The following GLT8D2 variants were observed in gnomAD, a reference collection of about 807,000 sequenced individuals.
GLT8D2 encodes the protein glycosyltransferase 8 domain-containing protein 2.
In GLT8D2, 45 loss-of-function variants were observed where a neutral mutation model predicts 44.5. That is an observed-to-expected ratio of 1.01 (90% CI 0.80 to 1.30). The LOEUF is 1.30. Among genes scored for constraint, GLT8D2 ranks in the 50% most tolerant of loss-of-function variants. The pLI, the probability that GLT8D2 is intolerant of heterozygous loss-of-function variation, is 0.00. For synonymous variants in GLT8D2, 156 were observed against 157.2 expected (o/e 0.99, Z 0.06); for missense variants, 400 against 430.4 (o/e 0.93, Z 0.62).
intron 1 of GLT8D2, among the ~76,000 whole-genome samples, chr12:104,061,953 G>A (rs1464342044): frequency 6.9e-6 from 1 of 145,766 alleles, no homozygotes; most frequent in African/African-American, 2.5e-5. Flanking sequence ...CCCCAGCCTG[G>A]GCAACAAGAG....
At chr12:104,042,487 A>G (rs762261289) in intron 1 of GLT8D2, among the ~76,000 whole-genome samples, 57 of 152,364 alleles carry the variant, frequency 3.7e-4, no homozygotes, top group Non-Finnish European at 6.3e-4. Flanking sequence ...AGTCAAAGAC[A>G]TTCCAGTAGA....
rs539734282 is a variant in GLT8D2 at position 104,024,999 on chromosome 12, G to A, written c.-163-3508C>T. ...GCAGGAGAATTGCCTGAACCTGGGA[G>A]GTGGAGGTTGCAGTGAGCCGAGATT... On this transcript the variant is annotated intron_variant, in intron 1 of 10. Transcript: ENST00000360814. 4.3e-3 allele frequency among the ~76,000 whole-genome samples: 652 copies of A among 150,710 alleles called. 7 individuals carry two copies. Among genetic ancestry groups the A allele is most frequent in the Middle Eastern group, 6.9e-3 (2 of 290 alleles).
At chr12:104,010,188 C>T (rs1875644737) in intron 4 of GLT8D2, among the ~76,000 whole-genome samples, 1 of 152,148 alleles carries the variant, frequency 6.6e-6, no homozygotes, top group Admixed American at 6.6e-5. Context: ...AAAGGTAAAG[C>T]CACATTTCTT....
At position 103,994,491 on chromosome 12, in the gene GLT8D2, A is replaced by G. The variant is rs1249888736; in HGVS notation, c.611T>C (p.Met204Thr). 1 of 1,611,492 alleles carries G rather than the reference A, an allele frequency of 6.2e-7. No individual in the cohort carries two copies. Among genetic ancestry groups the G allele is most frequent in the African/African-American group, 1.3e-5 (1 of 74,798 alleles). Residue 204 changes from methionine to threonine, a missense_variant, in exon 9 of 11, where the codon ATG (methionine) becomes ACG (threonine). Physicochemically the swap from Met to Thr is moderately conservative, Grantham distance 81 (BLOSUM62 -1). Transcript: ENST00000360814. ...CTTCTTCCGGTAGTCCAGATAGCCC[A>G]TATATGTGTTCTGTAAGGGAACAGG... ...NRLVGLQNTY[M>T]GYLDYRKKAI...
chr12:103,989,589 A>G lies in GLT8D2; in HGVS notation c.881-12T>C. The G allele has an allele frequency of 6.3e-7, 1 of 1,591,074 alleles. No homozygotes were observed. On this transcript the variant is annotated splice_polypyrimidine_tract_variant and intron_variant, in intron 10 of 10. Transcript: ENST00000360814. ...ATCTGGATTCCAGCCTTCATTGTGT[A>G]TAGAGAAAAAATAATAGGCTTGTTA...
intron 10 of GLT8D2, among the ~76,000 whole-genome samples, chr12:103,991,849 T>A (rs1202215737): frequency 4.3e-5 from 6 of 140,754 alleles, no homozygotes; most frequent in Non-Finnish European, 7.8e-5. Context: ...AAAAAAAGAT[T>A]ATGGGACATA....
At chr12:104,053,957 A>T (rs911065378), upstream of GLT8D2, among the ~76,000 whole-genome samples, 2 of 152,164 alleles carry the variant, frequency 1.3e-5, no homozygotes, top group African/African-American at 4.8e-5. Flanking sequence ...TATATAATTG[A>T]ATATTTAATT....
intron 1 of GLT8D2, among the ~76,000 whole-genome samples, chr12:104,049,194 C>T (rs1881474746): frequency 6.9e-6 from 1 of 144,796 alleles, no homozygotes; most frequent in Non-Finnish European, 1.5e-5. Flanking sequence ...TTTTTTTTTT[C>T]AAAGCACATC....
chr12:103,996,860 A>G lies in GLT8D2; in HGVS notation c.488-13T>C. On this transcript the variant is annotated splice_polypyrimidine_tract_variant and intron_variant, in intron 7 of 10. Coordinates refer to ENST00000360814, the MANE Select transcript of GLT8D2 (RefSeq NM_001384711.1). The stretch of plus-strand genomic sequence containing the variant: ...TCTTGGATATCACCTGAATTTAGAA[A>G]CACCACCAAGTAAAACATTATAGCA... The G allele has an allele frequency of 6.3e-7, 1 of 1,576,318 alleles. No individual in the cohort carries two copies. The highest frequency in any genetic ancestry group is 8.7e-7 in the Non-Finnish European group (1 of 1,147,600).
At chr12:104,059,594 A>G (rs1176288599) in intron 1 of GLT8D2, among the ~76,000 whole-genome samples, 1 of 152,196 alleles carries the variant, frequency 6.6e-6, no homozygotes, top group Non-Finnish European at 1.5e-5. Context: ...TTGGGAAATT[A>G]GTTTTTATTT....
intron 3 of GLT8D2, among the ~76,000 whole-genome samples, chr12:104,015,435 CAA>C (rs1381654907): frequency 4.1e-5 from 6 of 144,618 alleles, no homozygotes; most frequent in African/African-American, 1.6e-4. Context: ...CACACACACA[CAA>C]ATTAGCTGGG....
At chr12:104,014,465 A>C in intron 4 of GLT8D2, 1 of 573,608 alleles carries the variant, frequency 1.7e-6, no homozygotes, top group Non-Finnish European at 3.1e-6. Flanking sequence ...CAGGCAATTC[A>C]CCCCCGAGGA....
chr12:104,014,759 C>T (rs2136341490), intron 4 of GLT8D2, among the ~76,000 whole-genome samples: 1 of 152,348 alleles, frequency 6.6e-6, no homozygotes, highest in Non-Finnish European at 1.5e-5. Flanking sequence ...TGATCCTACA[C>T]CTCACGGGTG....
chr12:103,998,535 G>A (rs1339055638), intron 6 of GLT8D2, among the ~76,000 whole-genome samples: 2 of 151,856 alleles, frequency 1.3e-5, no homozygotes, highest in Non-Finnish European at 2.9e-5. Context: ...TCAGACTCCC[G>A]AGTAGCCGGG....
intron 1 of GLT8D2, among the ~76,000 whole-genome samples, chr12:104,049,201 C>T (rs1359965831): frequency 1.3e-5 from 2 of 150,976 alleles, no homozygotes; most frequent in Non-Finnish European, 3.0e-5. Flanking sequence ...TTTCAAAGCA[C>T]ATCCAGACAT....
intron 4 of GLT8D2, chr12:104,012,858 A>T (rs774378135): frequency 1.4e-6 from 1 of 693,894 alleles, no homozygotes. Flanking sequence ...AGAATCACAC[A>T]GAGGGTCACA....
intron 1 of GLT8D2, among the ~76,000 whole-genome samples, chr12:104,047,925 A>C (rs993841794): frequency 1.3e-5 from 2 of 152,224 alleles, no homozygotes; most frequent in African/African-American, 4.8e-5. Context: ...TTGTAAATAA[A>C]GTTTTGTTAG....
At chr12:104,058,855 C>A (rs1882396922) in intron 1 of GLT8D2, among the ~76,000 whole-genome samples, 1 of 152,168 alleles carries the variant, frequency 6.6e-6, no homozygotes, top group African/African-American at 2.4e-5. Context: ...CTCCCTTACC[C>A]AAGGGGGATA....
chr12:104,055,438 A>T (rs984862885), intron 1 of GLT8D2, among the ~76,000 whole-genome samples: 2 of 152,258 alleles, frequency 1.3e-5, no homozygotes, highest in African/African-American at 4.8e-5. Flanking sequence ...AAGATGGCAG[A>T]GAATCACCAC....
Sources: gnomAD v4.1 joint callset for allele counts (sites outside exome capture counted in the v4.1 genomes callset) on GRCh38, gnomAD v4.1.1 for gene constraint, MANE v1.5 for transcripts, NCBI Gene and HGNC (gene_info 2026-07-23, HGNC 2026-07-21) for gene names.